PCMT1: variants seen among roughly 807,000 people sequenced by gnomAD.
PCMT1 encodes protein-L-isoaspartate (D-aspartate) O-methyltransferase.
PCMT1 carries 9 observed loss-of-function variants against 29.2 expected under a neutral mutation model. The ratio of observed to expected loss-of-function variants is 0.31; its 90% CI spans 0.19 to 0.54. The LOEUF is 0.54. Among genes scored for constraint, PCMT1 ranks in the 20% least tolerant of loss-of-function variants. PCMT1 has a pLI of 0.95. For synonymous variants in PCMT1, 98 were observed against 97.5 expected (o/e 1.00, Z -0.03); for missense variants, 184 against 282.2 (o/e 0.65, Z 2.49).
chr6:149,807,060 T>A (rs1023164308), intron 7 of PCMT1, among the ~76,000 whole-genome samples: 23 of 152,216 alleles, frequency 1.5e-4, no homozygotes, highest in African/African-American at 5.5e-4. Context: ...ACTGTATTTT[T>A]AAAAATGAGA....
At chr6:149,769,281 G>C (rs1013105105) in intron 1 of PCMT1, among the ~76,000 whole-genome samples, 3 of 141,684 alleles carry the variant, frequency 2.1e-5, no homozygotes, top group African/African-American at 8.3e-5. Flanking sequence ...GAGGAAAAGG[G>C]GAGTTAGCAC....
At chr6:149,803,378 T>G (rs1583060442) in intron 7 of PCMT1, among the ~76,000 whole-genome samples, 2 of 152,108 alleles carry the variant, frequency 1.3e-5, no homozygotes, top group East Asian at 3.9e-4. Context: ...ACCCAATGAG[T>G]GCCCAGGTCT....
intron 2 of PCMT1, chr6:149,772,622 G>A (rs911693052): frequency 5.9e-5 from 27 of 454,720 alleles, no homozygotes; most frequent in African/African-American, 2.4e-4. Flanking sequence ...AGATGAGCAC[G>A]TTACCCTTTG....
chr6:149,777,742 CTG>C (rs771508939), intron 3 of PCMT1, among the ~76,000 whole-genome samples: 1 of 152,110 alleles, frequency 6.6e-6, no homozygotes, highest in Non-Finnish European at 1.5e-5. Context: ...GATTTTCACT[CTG>C]TGTCCTTGAT....
chr6:149,758,461 CG>C (rs1786608508), intron 1 of PCMT1, among the ~76,000 whole-genome samples: 1 of 150,680 alleles, frequency 6.6e-6, no homozygotes, highest in African/African-American at 2.4e-5. Context: ...CTGCCCACCT[CG>C]GCCTCCCAAA....
intron 6 of PCMT1, among the ~76,000 whole-genome samples, chr6:149,800,054 A>T (rs767876933): frequency 5.3e-5 from 8 of 152,160 alleles, no homozygotes; most frequent in Non-Finnish European, 7.3e-5. Context: ...TGGGGTAGGG[A>T]GAGGAAGTCA....
intron 1 of PCMT1, among the ~76,000 whole-genome samples, chr6:149,768,443 AATTT>A (rs1562402426): frequency 4.1e-5 from 5 of 121,420 alleles, no homozygotes; most frequent in African/African-American, 1.7e-4. Context: ...TTTAGTCTTG[AATTT>A]TTTTTTTTTT....
intron 1 of PCMT1, chr6:149,765,723 T>C: frequency 5.8e-6 from 2 of 346,340 alleles, no homozygotes; most frequent in South Asian, 4.5e-5. Context: ...TACCAGCACT[T>C]TGGGAGGACG....
chr6:149,765,270 G>A (rs1248629871), intron 1 of PCMT1, among the ~76,000 whole-genome samples: 21 of 134,918 alleles, frequency 1.6e-4, no homozygotes, highest in East Asian at 4.5e-4. Context: ...TGAGGCAGGA[G>A]AATGGCGTGA....
Position 149,771,165 on chromosome 6 carries a change from A to G in PCMT1, c.59A>G (p.Asn20Ser), listed in dbSNP as rs1787306348. The G allele has an allele frequency of 6.3e-7, 1 of 1,595,706 alleles. No individual in the cohort carries two copies. The highest frequency in any genetic ancestry group is 1.3e-5 in the African/African-American group (1 of 74,532). ...HSELIHNLRK[N>S]GIIKTDKVFE... ...ATATTTGCCTCACTTGTTTCAGAAA[A>G]TGGAATCATCAAGACAGATAAAGTA... Residue 20 changes from asparagine to serine, a missense_variant, in exon 2 of 8, where the codon AAT becomes AGT. Coordinates refer to ENST00000464889, the MANE Select transcript of PCMT1 (RefSeq NM_001360452.2).
chr6:149,792,937 C>T (rs1187116138), intron 4 of PCMT1, among the ~76,000 whole-genome samples: 2 of 152,050 alleles, frequency 1.3e-5, no homozygotes, highest in Non-Finnish European at 2.9e-5. Context: ...CCAAGGCGGG[C>T]AGATCACGAG....
At chr6:149,750,246 G>A (rs958310838) in intron 1 of PCMT1, 3 of 451,532 alleles carry the variant, frequency 6.6e-6, no homozygotes, top group Non-Finnish European at 1.2e-5. Flanking sequence ...TGCAGTACAG[G>A]TGATGCTGCT....
intron 1 of PCMT1, among the ~76,000 whole-genome samples, chr6:149,755,160 C>T (rs1786460713): frequency 6.6e-6 from 1 of 152,122 alleles, no homozygotes; most frequent in South Asian, 2.1e-4. Context: ...AATCTCAGAA[C>T]TTTGGGAGGC....
chr6:149,783,030 A>G (rs948740123), intron 3 of PCMT1, among the ~76,000 whole-genome samples: 15 of 152,310 alleles, frequency 9.8e-5, no homozygotes, highest in African/African-American at 3.4e-4. Flanking sequence ...GTTATCATCA[A>G]TGTAATGAAT....
intron 1 of PCMT1, among the ~76,000 whole-genome samples, chr6:149,757,421 A>G (rs1786552189): frequency 2.0e-5 from 3 of 152,204 alleles, no homozygotes; most frequent in South Asian, 4.1e-4. Flanking sequence ...TATTATATTT[A>G]GCTTTGGTTA....
chr6:149,781,521 G>A (rs915624722), intron 3 of PCMT1, among the ~76,000 whole-genome samples: 15 of 152,026 alleles, frequency 9.9e-5, no homozygotes, highest in Non-Finnish European at 1.9e-4. Context: ...CACGGCGCCC[G>A]GCCAAAAAAT....
chr6:149,790,896 A>G lies in PCMT1; in HGVS notation c.297+838A>G, dbSNP rs1474352447. Reference sequence around the variant, plus strand: ...TGGTGGAGCACCTGCAGTCCCAGCTATTCAGGAGGCTGAGGCAGGAAAATC... The same window carrying G: ...TGGTGGAGCACCTGCAGTCCCAGCTGTTCAGGAGGCTGAGGCAGGAAAATC... On this transcript the variant is annotated intron_variant, in intron 4 of 7. Coordinates refer to ENST00000464889, the MANE Select transcript of PCMT1 (RefSeq NM_001360452.2). Among the ~76,000 whole-genome samples the G allele has an allele frequency of 1.2e-4, 19 of 152,150 alleles. 1 individual carries two copies. Among genetic ancestry groups the G allele is most frequent in the Non-Finnish European group, 2.9e-5 (2 of 68,024 alleles).
At chr6:149,749,716 G>A, upstream of PCMT1, 1 of 1,535,298 alleles carries the variant, frequency 6.5e-7, no homozygotes, top group South Asian at 1.2e-5. Context: ...GAGCGCATGC[G>A]TGCCGCGGGG....
At chr6:149,762,962 C>CA (rs1786881979) in intron 1 of PCMT1, among the ~76,000 whole-genome samples, 1 of 53,736 alleles carries the variant, frequency 1.9e-5, no homozygotes, top group Non-Finnish European at 2.6e-5. Context: ...ATATGTATAT[C>CA]TATGATATAT....
Sources: allele counts gnomAD v4.1 joint callset (sites outside exome capture counted in the v4.1 genomes callset), GRCh38; gene constraint gnomAD v4.1.1; transcripts MANE v1.5; gene names NCBI Gene and HGNC (gene_info 2026-07-23, HGNC 2026-07-21).